KATNIP: variants seen among roughly 807,000 people sequenced by gnomAD.
KATNIP encodes the protein katanin-interacting protein.
A neutral mutation model predicts 174.0 loss-of-function variants in KATNIP; 126 were observed. That is an observed-to-expected ratio of 0.72 (90% CI 0.63 to 0.84). The LOEUF (loss-of-function observed/expected upper bound fraction) is 0.84, where lower values mean the gene tolerates loss of function less well. Ranked by LOEUF, KATNIP falls within the 40% of genes least tolerant of loss-of-function variation. The pLI, the probability that KATNIP is intolerant of heterozygous loss-of-function variation, is 0.00. For missense variants in KATNIP, 1,958 were observed against 2,109.7 expected, an observed-to-expected ratio of 0.93 and a Z score of 1.41; for synonymous variants, 810 against 835.7, an observed-to-expected ratio of 0.97 and a Z score of 0.53.
At chr16:27,569,065 A>G (rs1477514928) in intron 1 of KATNIP, among the ~76,000 whole-genome samples, 1 of 152,228 alleles carries the variant, frequency 6.6e-6, no homozygotes, top group Non-Finnish European at 1.5e-5. Flanking sequence ...CATGTACTAT[A>G]TACATTTCCA....
chr16:27,663,941 G>A (rs900950938), intron 6 of KATNIP, among the ~76,000 whole-genome samples: 4 of 152,008 alleles, frequency 2.6e-5, no homozygotes, highest in Non-Finnish European at 2.9e-5. Context: ...CTCGCAAGCC[G>A]CTGGGACTAC....
intron 1 of KATNIP, among the ~76,000 whole-genome samples, chr16:27,560,972 G>A (rs556968434): frequency 6.6e-6 from 1 of 151,910 alleles, no homozygotes; most frequent in Non-Finnish European, 1.5e-5. Flanking sequence ...AAGCTTCCAG[G>A]CCAAGCTTCC....
intron 13 of KATNIP, among the ~76,000 whole-genome samples, chr16:27,713,784 A>G (rs1271779047): frequency 1.1e-4 from 6 of 52,652 alleles, no homozygotes; most frequent in African/African-American, 4.5e-4. Context: ...TACACATATT[A>G]TATATGTGTG....
At chr16:27,756,336 A>AGCCT (rs1371198766) in intron 18 of KATNIP, among the ~76,000 whole-genome samples, 11 of 152,222 alleles carry the variant, frequency 7.2e-5, no homozygotes, top group African/African-American at 2.7e-4. Context: ...ATTAGGCAAG[A>AGCCT]GCCTGGGTTG....
chr16:27,745,113 G>A (rs2143661444), intron 15 of KATNIP, among the ~76,000 whole-genome samples: 1 of 152,322 alleles, frequency 6.6e-6, no homozygotes, highest in Middle Eastern at 3.4e-3. Context: ...CATTTTGGAA[G>A]TATTTTCATC....
chr16:27,700,209 A>G (rs1456048830), intron 10 of KATNIP, among the ~76,000 whole-genome samples: 1 of 152,138 alleles, frequency 6.6e-6, no homozygotes, highest in Admixed American at 6.6e-5. Context: ...ACCACGCCTG[A>G]CCTATATTTC....
Position 27,591,705 on chromosome 16 carries a change from G to T in KATNIP, c.63+17749G>T, listed in dbSNP as rs74437863. On this transcript the variant is annotated intron_variant, in intron 2 of 27. Coordinates refer to ENST00000261588, the MANE Select transcript of KATNIP (RefSeq NM_015202.5). ...GTATTAGTTGCTAAAATATGTTAGC[G>T]CCCTTCATCTGTCTTAGTCTGAGCA... Among the ~76,000 whole-genome samples the T allele has an allele frequency of 1.4e-3, 220 of 152,192 alleles. 8 individuals are homozygous for T. The East Asian group carries it at 0.04, about 28-fold the overall frequency.
At chr16:27,770,689 C>T (rs2082268659) in intron 21 of KATNIP, among the ~76,000 whole-genome samples, 1 of 152,206 alleles carries the variant, frequency 6.6e-6, no homozygotes, top group Admixed American at 6.5e-5. Flanking sequence ...TCAGGAGGGC[C>T]GTGGAGGAGA....
At chr16:27,583,391 C>G (rs1011988322) in intron 2 of KATNIP, among the ~76,000 whole-genome samples, 1 of 152,164 alleles carries the variant, frequency 6.6e-6, no homozygotes, top group Non-Finnish European at 1.5e-5. Context: ...TTACCTCCTC[C>G]CTCCACCCCC....
chr16:27,610,596 T>C (rs1285490064), intron 2 of KATNIP, among the ~76,000 whole-genome samples: 2 of 152,172 alleles, frequency 1.3e-5, no homozygotes, highest in South Asian at 2.1e-4. Flanking sequence ...GCTTGACTGG[T>C]TGCAGTTGCA....
At chr16:27,675,039 G>C (rs1388268055) in intron 6 of KATNIP, among the ~76,000 whole-genome samples, 1 of 152,204 alleles carries the variant, frequency 6.6e-6, no homozygotes, top group Non-Finnish European at 1.5e-5. Flanking sequence ...AAATACAATG[G>C]TGGATAGGTG....
chr16:27,736,038 C>T (rs866219763), intron 14 of KATNIP, among the ~76,000 whole-genome samples: 5 of 152,104 alleles, frequency 3.3e-5, no homozygotes, highest in Admixed American at 6.5e-5. Flanking sequence ...GCTTCACTGT[C>T]GTCACCCAGG....
At chr16:27,694,610 A>G (rs548753193) in intron 8 of KATNIP, among the ~76,000 whole-genome samples, 4 of 152,016 alleles carry the variant, frequency 2.6e-5, no homozygotes, top group African/African-American at 9.7e-5. Flanking sequence ...AGCCTGGGCA[A>G]CATGGTGAAA....
intron 6 of KATNIP, among the ~76,000 whole-genome samples, chr16:27,675,724 A>T (rs1209034893): frequency 2.0e-5 from 3 of 152,086 alleles, no homozygotes; most frequent in Non-Finnish European, 4.4e-5. Context: ...ATTCAGTCCA[A>T]GCTGGCAGTA....
At chr16:27,605,598 C>T (rs2075676228) in intron 2 of KATNIP, among the ~76,000 whole-genome samples, 1 of 152,094 alleles carries the variant, frequency 6.6e-6, no homozygotes, top group Non-Finnish European at 1.5e-5. Context: ...TTTGATTATC[C>T]ATCTGGCATG....
Position 27,753,097 on chromosome 16 carries a change from G to C in KATNIP, c.3553-1076G>C, listed in dbSNP as rs148980310. ...AGGCAGAGCATGGGGTGCAGGAGCAGGGCATGGGGAGGCACAGGCAGCTGG... is the reference window on the plus strand; with the variant it reads ...AGGCAGAGCATGGGGTGCAGGAGCACGGCATGGGGAGGCACAGGCAGCTGG... On this transcript the variant is annotated intron_variant, in intron 17 of 27. Coordinates refer to ENST00000261588, the MANE Select transcript of KATNIP (RefSeq NM_015202.5). 6.0e-3 allele frequency among the ~76,000 whole-genome samples: 911 copies of C among 152,226 alleles called. 12 individuals are homozygous for C. Among genetic ancestry groups the C allele is most frequent in the African/African-American group, 0.021 (882 of 41,534 alleles).
intron 20 of KATNIP, 139 bp from the exon 21 acceptor site, chr16:27,769,722 A>T (rs2082234629): frequency 2.0e-6 from 2 of 981,134 alleles, no homozygotes; most frequent in Non-Finnish European, 3.1e-6. Context: ...CTGATATGGG[A>T]AATGGACCTC....
rs1474936636 is a variant in KATNIP at position 27,726,767 on chromosome 16, T to C, written c.1743+5072T>C. Among the ~76,000 whole-genome samples the C allele has an allele frequency of 2.0e-5, 3 of 152,136 alleles. No homozygotes were observed. In the East Asian group the frequency reaches 5.8e-4, roughly 29 times the overall value. ...GCTCAGTGATGACCAGGAGCAGCCATGGGGCATCTGTGGGAAGGGCATTCC... is the reference window on the plus strand; with the variant it reads ...GCTCAGTGATGACCAGGAGCAGCCACGGGGCATCTGTGGGAAGGGCATTCC... On this transcript the variant is annotated intron_variant, in intron 14 of 27. Coordinates refer to ENST00000261588, the MANE Select transcript of KATNIP (RefSeq NM_015202.5).
chr16:27,659,823 C>T (rs1409643257), intron 6 of KATNIP, among the ~76,000 whole-genome samples: 1 of 152,082 alleles, frequency 6.6e-6, no homozygotes, highest in Non-Finnish European at 1.5e-5. Context: ...ACTAGAAGGG[C>T]CAGCTTCAGC....
Sources: gnomAD v4.1 joint callset for allele counts (sites outside exome capture counted in the v4.1 genomes callset) on GRCh38, gnomAD v4.1.1 for gene constraint, MANE v1.5 for transcripts, NCBI Gene and HGNC (gene_info 2026-07-23, HGNC 2026-07-21) for gene names.